Variants in LRBA observed in about 807,000 individuals in gnomAD.
LRBA encodes lipopolysaccharide-responsive and beige-like anchor protein.
LRBA carries 176 observed loss-of-function variants against 330.0 expected under a neutral mutation model. The observed-to-expected ratio is 0.53, with a 90% confidence interval of 0.47 to 0.60. The LOEUF (loss-of-function observed/expected upper bound fraction) is 0.60, where lower values mean the gene tolerates loss of function less well. LRBA is among the 20% of genes least tolerant of loss of function. LRBA has a pLI of 0.00. For missense variants in LRBA, 3,259 were observed against 3,444.8 expected, an observed-to-expected ratio of 0.95 and a Z score of 1.35; for synonymous variants, 1,230 against 1,193.0, an observed-to-expected ratio of 1.03 and a Z score of -0.64.
chr4:150,505,339 T>C (rs199825364), intron 40 of LRBA, among the ~76,000 whole-genome samples: 9,919 of 152,032 alleles, frequency 0.065, 507 homozygotes, highest in East Asian at 0.18. Flanking sequence ...AGTAAAGCAC[T>C]CCTCAGCAAA....
chr4:150,589,873 A>G (rs1042201042), intron 39 of LRBA, among the ~76,000 whole-genome samples: 3 of 152,142 alleles, frequency 2.0e-5, no homozygotes, highest in Non-Finnish European at 2.9e-5. Flanking sequence ...CACTCCCACC[A>G]ATTAATTTTA....
In LRBA at chr4:150,870,508, G is replaced by A; in HGVS notation, c.2449+17C>T. ...GTAGCAAAAGGTAGTTTTTGTTAAA[G>A]TATATAAAATACATACGAGGGTTTT... On this transcript the variant is annotated intron_variant, in intron 20 of 56. Transcript: ENST00000651943. 1 of 1,416,494 alleles carries A rather than the reference G, an allele frequency of 7.1e-7. No homozygotes were observed. The highest frequency in any genetic ancestry group is 1.2e-5 in the South Asian group (1 of 86,256). The allele number at this position is 1,416,494 out of a possible 1,614,324, so 87.7% of individuals were successfully genotyped here.
At chr4:150,545,254 G>A (rs1765731158) in intron 40 of LRBA, among the ~76,000 whole-genome samples, 1 of 152,054 alleles carries the variant, frequency 6.6e-6, no homozygotes, top group Non-Finnish European at 1.5e-5. Flanking sequence ...GCATATATAT[G>A]AGCTAGAATG....
intron 35 of LRBA, among the ~76,000 whole-genome samples, chr4:150,742,378 G>A (rs1456696095): frequency 6.6e-6 from 1 of 151,910 alleles, no homozygotes; most frequent in African/African-American, 2.4e-5. Context: ...AAACTCCTGA[G>A]CTCAAGTGAT....
rs758352394 is a variant in LRBA, at chr4:150,277,945, G to A, written c.8376C>T (p.Val2792=). Residue 2792 remains valine (V), a synonymous_variant, in exon 56 of 57, where the codon GTC becomes GTT. Coordinates refer to ENST00000651943, the MANE Select transcript of LRBA (RefSeq NM_001364905.1). ...TGAGGTCCGACACCTGCCGGACCAC[G>A]ACCACTCCTCTGTCTCCTCCTGTGA... ...YLLTGGDRGV[V]VVRQVSDLKQ... 16 of 1,613,956 alleles carry A rather than the reference G, an allele frequency of 9.9e-6. No homozygotes were observed. The highest frequency in any genetic ancestry group is 1.6e-4 in the Middle Eastern group (1 of 6,084).
chr4:150,533,088 G>T (rs913737557), intron 40 of LRBA, among the ~76,000 whole-genome samples: 2 of 152,090 alleles, frequency 1.3e-5, no homozygotes, highest in Admixed American at 1.3e-4. Flanking sequence ...TGAAAAAAAT[G>T]TTCTTCTGAA....
chr4:150,636,392 G>C (rs1777915815), intron 37 of LRBA, among the ~76,000 whole-genome samples: 1 of 152,092 alleles, frequency 6.6e-6, no homozygotes. Flanking sequence ...GATTTGGCCA[G>C]TGGGATTCTT....
At chr4:151,000,899 C>T (rs1743251971) in intron 2 of LRBA, among the ~76,000 whole-genome samples, 1 of 152,182 alleles carries the variant, frequency 6.6e-6, no homozygotes. Flanking sequence ...GGCTGGGAGC[C>T]GAGAGACAAT....
At chr4:150,981,081 A>G (rs534859408) in intron 2 of LRBA, among the ~76,000 whole-genome samples, 3 of 152,108 alleles carry the variant, frequency 2.0e-5, no homozygotes, top group African/African-American at 7.2e-5. Context: ...TGCAATCCCT[A>G]TCAAAATACT....
chr4:150,556,267 T>G (rs1767302400), intron 40 of LRBA, among the ~76,000 whole-genome samples: 1 of 152,180 alleles, frequency 6.6e-6, no homozygotes, highest in African/African-American at 2.4e-5. Flanking sequence ...TTCAAAAAAC[T>G]AAATTTAAAA....
At chr4:150,437,624 C>T (rs1221753901) in intron 44 of LRBA, among the ~76,000 whole-genome samples, 1 of 150,998 alleles carries the variant, frequency 6.6e-6, no homozygotes, top group South Asian at 2.1e-4. Flanking sequence ...TAATACTTTA[C>T]AGCAGAGGTC....
intron 2 of LRBA, among the ~76,000 whole-genome samples, chr4:150,991,894 A>G (rs1409373139): frequency 6.6e-6 from 1 of 152,226 alleles, no homozygotes; most frequent in African/African-American, 2.4e-5. Flanking sequence ...ATATAAACAC[A>G]TAATTTGAAC....
Position 150,850,768 on chromosome 4 carries a change from A to G in LRBA, c.3960T>C (p.Thr1320=). ...CTGTTTCTATTGAAAATAATAGATCAGTGAGCAAACGTTGATGCATCTGAG... is the reference window on the plus strand; with the variant it reads ...CTGTTTCTATTGAAAATAATAGATCGGTGAGCAAACGTTGATGCATCTGAG... The part of the protein sequence containing the change: ...NWSQMHQRLL[T]DLLFSIETDI... The change falls in exon 24 of 57, where the codon ACT becomes ACC. Residue 1320 remains threonine, a synonymous_variant. Transcript: ENST00000651943. The G allele has an allele frequency of 6.2e-7, 1 of 1,613,560 alleles. No individual in the cohort carries two copies. The highest frequency in any genetic ancestry group is 8.5e-7 in the Non-Finnish European group (1 of 1,179,554).
At chr4:150,927,350 G>A (rs1348894687) in intron 4 of LRBA, among the ~76,000 whole-genome samples, 1 of 149,856 alleles carries the variant, frequency 6.7e-6, no homozygotes, top group African/African-American at 2.5e-5. Flanking sequence ...TCCAGGCTGG[G>A]CAACAGAGCG....
At chr4:150,310,610 C>T (rs915916862) in intron 51 of LRBA, 1 of 428,594 alleles carries the variant, frequency 2.3e-6, no homozygotes, top group Non-Finnish European at 4.2e-6. Flanking sequence ...GAAAGAATAA[C>T]ACACTACTAT....
At chr4:150,658,508 TC>T (rs869244120) in intron 37 of LRBA, among the ~76,000 whole-genome samples, 21 of 598 alleles carry the variant, frequency 0.035, 5 homozygotes, top group South Asian at 0.25. Flanking sequence ...AATAAAAGTC[TC>T]CCTCTCCCTC....
intron 34 of LRBA, among the ~76,000 whole-genome samples, chr4:150,786,142 G>A (rs777335150): frequency 6.6e-6 from 1 of 152,122 alleles, no homozygotes; most frequent in Non-Finnish European, 1.5e-5. Flanking sequence ...TTGTTCCAGA[G>A]GTCACAACAT....
rs977772187 is a variant in LRBA, at chr4:150,582,727, G to C, written c.6330+5321C>G. On this transcript the variant is annotated intron_variant, in intron 40 of 56. Transcript: ENST00000651943. Reference sequence around the variant, plus strand: ...CGCCCACCCCGCTTCTCTCGCACACGGTCATCTTTACATATCAAGAGAAAG... The same window carrying C: ...CGCCCACCCCGCTTCTCTCGCACACCGTCATCTTTACATATCAAGAGAAAG... 84 of 288,196 alleles carry C rather than the reference G, an allele frequency of 2.9e-4. 3 individuals are homozygous for C. The Admixed American group carries it at 3.8e-3, about 13-fold the overall frequency. 17.9% of individuals were successfully genotyped at this position (288,196 alleles called of 1,614,324 possible). A position where few individuals can be genotyped will look rare whatever the true frequency, so the allele number is the denominator to read the frequency against.
chr4:150,821,510 A>G (rs1291132186), intron 30 of LRBA, among the ~76,000 whole-genome samples: 1 of 152,002 alleles, frequency 6.6e-6, no homozygotes, highest in African/African-American at 2.4e-5. Context: ...TGAACAAGGG[A>G]TACTCATTTC....
Sources: allele counts gnomAD v4.1 joint callset (sites outside exome capture counted in the v4.1 genomes callset), GRCh38; gene constraint gnomAD v4.1.1; transcripts MANE v1.5; gene names NCBI Gene and HGNC (gene_info 2026-07-23, HGNC 2026-07-21).